GRID1: variants seen among roughly 807,000 people sequenced by gnomAD.
The protein encoded by GRID1 is glutamate ionotropic receptor delta type subunit 1.
In GRID1, 28 loss-of-function variants were observed where a neutral mutation model predicts 98.0. That is an observed-to-expected ratio of 0.29 (90% CI 0.21 to 0.39). GRID1 has a LOEUF of 0.39. GRID1 is among the 10% of genes least tolerant of loss of function. The pLI is 1.00. For synonymous variants in GRID1, 553 were observed against 538.5 expected (o/e 1.03, Z -0.37); for missense variants, 1,111 against 1,340.5 (o/e 0.83, Z 2.67).
chr10:86,294,196 G>C (rs1057202169), intron 2 of GRID1, among the ~76,000 whole-genome samples: 1 of 152,186 alleles, frequency 6.6e-6, no homozygotes, highest in African/African-American at 2.4e-5. Flanking sequence ...GTCTCTAAGA[G>C]AGGTATACCG....
At chr10:86,302,749 A>G (rs12242059) in intron 2 of GRID1, among the ~76,000 whole-genome samples, 9,527 of 152,284 alleles carry the variant, frequency 0.063, 538 homozygotes, top group African/African-American at 0.15. Context: ...CCCATGCTAT[A>G]CAAGTCAATG....
intron 9 of GRID1, among the ~76,000 whole-genome samples, chr10:85,729,032 C>A (rs1421015286): frequency 6.6e-6 from 1 of 152,194 alleles, no homozygotes; most frequent in East Asian, 1.9e-4. Flanking sequence ...GATTCCAGGA[C>A]ATCCATGCAG....
At chr10:85,721,800 A>C (rs1245898637) in intron 12 of GRID1, among the ~76,000 whole-genome samples, 2 of 152,208 alleles carry the variant, frequency 1.3e-5, no homozygotes, top group Admixed American at 6.5e-5. Flanking sequence ...CAGATACACA[A>C]GTTTATAAGT....
chr10:86,366,437 C>A lies in GRID1; in HGVS notation c.-45G>T. 7.2e-7 allele frequency: 1 copy of A among 1,382,180 alleles called. No homozygotes were observed. Among genetic ancestry groups the A allele is most frequent in the Non-Finnish European group, 9.7e-7 (1 of 1,034,216 alleles). The allele number at this position is 1,382,180 out of a possible 1,614,324, so 85.6% of individuals were successfully genotyped here. A position where few individuals can be genotyped will look rare whatever the true frequency, so the allele number is the denominator to read the frequency against. ...CATCCACCCGGGCCCGGGGCGAGGC[C>A]GAGGGCAGCGCGAAGCGGGGAGGCG... On this transcript the variant is annotated 5_prime_UTR_variant, in exon 1 of 16. Transcript: ENST00000327946. This position sits in a 1 kb window ranked among gnomAD's most constrained non-coding sequence, Gnocchi z 4.1.
rs115726600 is a variant in GRID1, at chr10:85,686,601, T to A, written c.1997+36402A>T. 4.3e-3 allele frequency among the ~76,000 whole-genome samples: 656 copies of A among 152,232 alleles called. 5 individuals are homozygous for A. The highest frequency in any genetic ancestry group is 0.014 in the African/African-American group (580 of 41,554). The stretch of plus-strand genomic sequence containing the variant: ...GATTTCCTACTATTTGTAAATTAGA[T>A]ACAGTTCAATACTACTTATACACAT... On this transcript the variant is annotated intron_variant, in intron 12 of 15. Coordinates refer to ENST00000327946, the MANE Select transcript of GRID1 (RefSeq NM_017551.3).
Position 85,863,819 on chromosome 10 carries a change from G to A in GRID1, c.951+5191C>T, listed in dbSNP as rs540702461. On this transcript the variant is annotated intron_variant, in intron 6 of 15. Coordinates refer to ENST00000327946, the MANE Select transcript of GRID1 (RefSeq NM_017551.3). ...GTAGTAAGTCTGAGACTTCAGTCAC[G>A]TTTTATTAGGGTATTCCAGCCTAGT... is the stretch of plus-strand genomic sequence containing the variant. Among the ~76,000 whole-genome samples the A allele has an allele frequency of 7.2e-5, 11 of 152,312 alleles. No homozygotes were observed. The South Asian group carries it at 1.0e-3, about 14-fold the overall frequency.
At chr10:85,859,512 A>C (rs1433541624) in intron 6 of GRID1, among the ~76,000 whole-genome samples, 1 of 152,224 alleles carries the variant, frequency 6.6e-6, no homozygotes, top group Non-Finnish European at 1.5e-5. Context: ...GAGAAATTAT[A>C]GAAAATGGAT....
rs375751606 is a variant in GRID1 at position 85,723,181 on chromosome 10, G to C, written c.1859-40C>G. 450 of 1,568,432 alleles carry C rather than the reference G, an allele frequency of 2.9e-4. 2 individuals carry two copies. The highest frequency in any genetic ancestry group is 1.6e-3 in the South Asian group (129 of 83,224). On this transcript the variant is annotated intron_variant, in intron 11 of 15. Transcript: ENST00000327946. ...CAAAGTGGATTGGCCAGTGGCTTCT[G>C]CTCTCCCTCCTATCCCCAGGGAGGT...
intron 8 of GRID1, among the ~76,000 whole-genome samples, chr10:85,818,960 A>C (rs867012410): frequency 2.6e-5 from 4 of 152,080 alleles, no homozygotes; most frequent in Non-Finnish European, 1.5e-5. Context: ...AGCTTGAGTG[A>C]TCCGCCCGCC....
intron 4 of GRID1, among the ~76,000 whole-genome samples, chr10:85,989,967 T>C (rs1319463914): frequency 6.6e-6 from 1 of 152,132 alleles, no homozygotes. Context: ...TTCAGCCCTG[T>C]GAAATTACAG....
At chr10:85,618,580 C>A (rs1333945111) in intron 14 of GRID1, among the ~76,000 whole-genome samples, 1 of 152,072 alleles carries the variant, frequency 6.6e-6, no homozygotes, top group Non-Finnish European at 1.5e-5. Flanking sequence ...AAGGGAAAAC[C>A]CAAAAGCCTC....
chr10:86,010,434 G>A (rs919416972), intron 4 of GRID1, among the ~76,000 whole-genome samples: 3 of 152,198 alleles, frequency 2.0e-5, no homozygotes, highest in Non-Finnish European at 4.4e-5. Context: ...GCTATGAAGG[G>A]CAGGCAGGGT....
chr10:85,671,617 T>A (rs932225273), intron 12 of GRID1, among the ~76,000 whole-genome samples: 1 of 152,142 alleles, frequency 6.6e-6, no homozygotes, highest in African/African-American at 2.4e-5. Context: ...TGATTAATAA[T>A]CTTAAAATGG....
At chr10:86,052,060 G>T (rs1222710528) in intron 4 of GRID1, among the ~76,000 whole-genome samples, 1 of 151,624 alleles carries the variant, frequency 6.6e-6, no homozygotes, top group Non-Finnish European at 1.5e-5. Context: ...TAGGAAGCTG[G>T]TTAAGTAGGT....
At chr10:85,927,582 G>A (rs948207939) in intron 4 of GRID1, among the ~76,000 whole-genome samples, 1 of 151,288 alleles carries the variant, frequency 6.6e-6, no homozygotes, top group Non-Finnish European at 1.5e-5. Context: ...GAATGACAAA[G>A]CATACTAAAC....
chr10:86,002,767 A>G (rs1364361878), intron 4 of GRID1, among the ~76,000 whole-genome samples: 1 of 152,254 alleles, frequency 6.6e-6, no homozygotes, highest in Non-Finnish European at 1.5e-5. Context: ...TGGCATTTCA[A>G]AACCGTGGTT....
chr10:85,774,385 T>C (rs907835581), intron 8 of GRID1, among the ~76,000 whole-genome samples: 5 of 152,156 alleles, frequency 3.3e-5, no homozygotes, highest in African/African-American at 9.7e-5. Flanking sequence ...GAAGAAAACC[T>C]AGGCATTACC....
At chr10:86,201,831 GA>G (rs201723192) in intron 3 of GRID1, among the ~76,000 whole-genome samples, 12 of 151,050 alleles carry the variant, frequency 7.9e-5, no homozygotes, top group South Asian at 4.2e-4. Flanking sequence ...CACATAAAAA[GA>G]AAAAAAAACT....
intron 2 of GRID1, among the ~76,000 whole-genome samples, chr10:86,359,750 T>C (rs1324047064): frequency 3.9e-5 from 6 of 152,254 alleles, no homozygotes; most frequent in Non-Finnish European, 8.8e-5. Flanking sequence ...AGTTCTTTTA[T>C]ATAAATTATA....
Sources: allele counts gnomAD v4.1 joint callset (sites outside exome capture counted in the v4.1 genomes callset), GRCh38; gene constraint gnomAD v4.1.1; non-coding constraint Gnocchi (gnomAD v3.1); transcripts MANE v1.5; gene names NCBI Gene and HGNC (gene_info 2026-07-23, HGNC 2026-07-21).